Variants in TENT4B observed in about 807,000 individuals in gnomAD.
The protein encoded by TENT4B is terminal nucleotidyltransferase 4B.
A neutral mutation model predicts 75.0 loss-of-function variants in TENT4B; 10 were observed. The observed-to-expected ratio is 0.13, with a 90% CI of 0.08 to 0.23. The LOEUF is 0.23. Among genes scored for constraint, TENT4B ranks in the 10% least tolerant of loss-of-function variants. The pLI, the probability that TENT4B is intolerant of heterozygous loss-of-function variation, is 1.00. For missense variants in TENT4B, 579 were observed against 893.8 expected, an observed-to-expected ratio of 0.65 and a Z score of 4.49; for synonymous variants, 350 against 357.7, an observed-to-expected ratio of 0.98 and a Z score of 0.24.
At chr16:50,217,810 G>C (rs2031639890) in intron 5 of TENT4B, 147 bp downstream of exon 5, 1 of 514,208 alleles carries the variant, frequency 1.9e-6, no homozygotes, top group African/African-American at 2.2e-5. Context: ...CTGTCACCTA[G>C]GCTGGAGTGC....
chr16:50,233,262 A>C lies in TENT4B; in HGVS notation c.*3934A>C. On this transcript the variant is annotated 3_prime_UTR_variant, in exon 12 of 12. Coordinates refer to ENST00000561678, the MANE Select transcript of TENT4B (RefSeq NM_001365324.3). The stretch of plus-strand genomic sequence containing the variant: ...TATATGAAATTCCTTAAAAGAGTTC[A>C]TCTTGCCTTGGTTTCTGACCCTCAA... 1.0e-6 allele frequency: 1 copy of C among 985,448 alleles called. No individual in the cohort carries two copies. The allele number at this position is 985,448 out of a possible 1,614,324, so 61.0% of individuals were successfully genotyped here.
intron 1 of TENT4B, among the ~76,000 whole-genome samples, chr16:50,158,191 A>T (rs1248742400): frequency 6.6e-6 from 1 of 152,108 alleles, no homozygotes; most frequent in Non-Finnish European, 1.5e-5. Flanking sequence ...GGTTCGAGCA[A>T]TTCTCCTGCC....
intron 1 of TENT4B, among the ~76,000 whole-genome samples, chr16:50,180,661 A>G (rs1351724543): frequency 6.6e-6 from 1 of 151,132 alleles, no homozygotes; most frequent in Non-Finnish European, 1.5e-5. Context: ...GTGAGGCAAG[A>G]TCGTGCCCCT....
chr16:50,220,898 T>C (rs2031796028), intron 5 of TENT4B, among the ~76,000 whole-genome samples: 1 of 152,204 alleles, frequency 6.6e-6, no homozygotes, highest in Non-Finnish European at 1.5e-5. Context: ...TTGATACAAT[T>C]TGCAAAAGTA....
At chr16:50,155,850 G>A (rs2160569) in intron 1 of TENT4B, among the ~76,000 whole-genome samples, 152,294 of 152,300 alleles carry the variant, frequency 1, 76,144 homozygotes, top group Non-Finnish European at 1. Flanking sequence ...GCTCCAGTTA[G>A]GTAATCACTG....
At position 50,174,742 on chromosome 16, in the gene TENT4B, C is replaced by CTT. The variant is rs35242106; in HGVS notation, c.638+20503_638+20504dup. On this transcript the variant is annotated intron_variant, in intron 1 of 11. Coordinates refer to ENST00000561678, the MANE Select transcript of TENT4B (RefSeq NM_001365324.3). ...TCATCAGCTCCCCGTCTCCCCTACTCTTTTTTTTTTTTTTTTTTTTTGATA... is the reference window on the plus strand; with the variant it reads ...TCATCAGCTCCCCGTCTCCCCTACTCTTTTTTTTTTTTTTTTTTTTTTTGATA... Among the ~76,000 whole-genome samples the CTT allele has an allele frequency of 1.3e-3, 100 of 75,780 alleles. 1 individual carries two copies. The highest frequency in any genetic ancestry group is 2.9e-3 in the African/African-American group (60 of 21,040). 49.7% of individuals were successfully genotyped at this position (75,780 alleles called of 152,430 possible).
At chr16:50,169,390 T>G (rs1264911350) in intron 1 of TENT4B, among the ~76,000 whole-genome samples, 1 of 15,198 alleles carries the variant, frequency 6.6e-5, no homozygotes, top group Non-Finnish European at 2.5e-4. Context: ...TTTGTGGGTT[T>G]TTTTTTTTTT....
At chr16:50,158,476 G>A (rs1160994107) in intron 1 of TENT4B, among the ~76,000 whole-genome samples, 1 of 152,136 alleles carries the variant, frequency 6.6e-6, no homozygotes, top group Non-Finnish European at 1.5e-5. Context: ...CTGTCCACCT[G>A]CTGCTGCTTG....
intron 1 of TENT4B, among the ~76,000 whole-genome samples, chr16:50,164,296 GTTTGTTGTTGTTCT>G (rs1382376442): frequency 1.8e-5 from 2 of 113,368 alleles, no homozygotes; most frequent in Non-Finnish European, 2.0e-5. Context: ...AGCCCATCCT[GTTTGTTGTTGTTCT>G]TTTGTTGTTG....
At chr16:50,189,648 A>T (rs1321753862) in intron 1 of TENT4B, among the ~76,000 whole-genome samples, 1 of 150,576 alleles carries the variant, frequency 6.6e-6, no homozygotes, top group Non-Finnish European at 1.5e-5. Context: ...GCATAACATG[A>T]AGTAGTGCCC....
At chr16:50,213,065 AT>A (rs2031371556) in intron 2 of TENT4B, among the ~76,000 whole-genome samples, 1 of 151,274 alleles carries the variant, frequency 6.6e-6, no homozygotes, top group South Asian at 2.1e-4. Context: ...ACTGTTTATC[AT>A]TTTTTTCCCC....
chr16:50,177,773 A>AT (rs1477202628), intron 1 of TENT4B, among the ~76,000 whole-genome samples: 2 of 151,712 alleles, frequency 1.3e-5, no homozygotes, highest in African/African-American at 2.4e-5. Flanking sequence ...TTTGGATTTA[A>AT]TTTTTTTTAG....
chr16:50,220,063 A>G (rs1238797529), intron 5 of TENT4B, among the ~76,000 whole-genome samples: 2 of 150,722 alleles, frequency 1.3e-5, no homozygotes, highest in African/African-American at 2.4e-5. Context: ...ATCTTGGCTC[A>G]CTGCAACCTC....
At chr16:50,192,153 A>G (rs2038652796) in intron 1 of TENT4B, among the ~76,000 whole-genome samples, 1 of 151,356 alleles carries the variant, frequency 6.6e-6, no homozygotes, top group Non-Finnish European at 1.5e-5. Context: ...GAGGCTGGAG[A>G]ATGCTTGGAC....
rs1230786435 is a variant in TENT4B at position 50,234,010 on chromosome 16, C to T, written c.*4682C>T. The T allele has an allele frequency of 1.0e-6, 1 of 985,336 alleles. No homozygotes were observed. The highest frequency in any genetic ancestry group is 1.2e-6 in the Non-Finnish European group (1 of 829,946). 61.0% of individuals were successfully genotyped at this position (985,336 alleles called of 1,614,324 possible). ...ACGTCTTTGTGGCTTCACCACTGAG[C>T]TACCTTTCACTACACCAGCTTCTGT... On this transcript the variant is annotated 3_prime_UTR_variant, in exon 12 of 12. Transcript: ENST00000561678.
In TENT4B at chr16:50,198,434, GAAGAA is replaced by G. The variant is rs1457010331; in HGVS notation, c.639-12885_639-12881del. 4.7e-3 allele frequency among the ~76,000 whole-genome samples: 649 copies of G among 138,892 alleles called. 4 individuals are homozygous for G. Among genetic ancestry groups the G allele is most frequent in the African/African-American group, 0.015 (581 of 38,122 alleles). The allele number at this position is 138,892 out of a possible 152,430, so 91.1% of individuals were successfully genotyped here. On this transcript the variant is annotated intron_variant, in intron 1 of 11. Coordinates refer to ENST00000561678, the MANE Select transcript of TENT4B (RefSeq NM_001365324.3). ...ACTCTGTCTAAAAAAAAAAAAAAAA[GAAGAA>G]AAGGAAAGGAAAGTAAAAGAAAAAA...
intron 1 of TENT4B, among the ~76,000 whole-genome samples, chr16:50,165,002 T>G (rs1021699744): frequency 6.6e-6 from 1 of 151,892 alleles, no homozygotes; most frequent in Non-Finnish European, 1.5e-5. Flanking sequence ...TGCAGTGAGC[T>G]AAGTTCATGC....
At position 50,232,132 on chromosome 16, in the gene TENT4B, G is replaced by C; in HGVS notation, c.*2804G>C. 1 of 985,368 alleles carries C rather than the reference G, an allele frequency of 1.0e-6. No individual in the cohort carries two copies. Among genetic ancestry groups the C allele is most frequent in the Non-Finnish European group, 1.2e-6 (1 of 829,900 alleles). 61.0% of individuals were successfully genotyped at this position (985,368 alleles called of 1,614,324 possible). On this transcript the variant is annotated 3_prime_UTR_variant, in exon 12 of 12. Coordinates refer to ENST00000561678, the MANE Select transcript of TENT4B (RefSeq NM_001365324.3). ...GAGCTGATGGGTTGGTGAGGTGTCAGCACAAAATCTTACTGGTTATGTTTT... is the reference window on the plus strand; with the variant it reads ...GAGCTGATGGGTTGGTGAGGTGTCACCACAAAATCTTACTGGTTATGTTTT...
intron 1 of TENT4B, among the ~76,000 whole-genome samples, chr16:50,182,891 C>CTTTTTTTTTTTTTTTTTTTTTTTGTT (rs2038444927): frequency 2.7e-5 from 1 of 36,458 alleles, no homozygotes; most frequent in Non-Finnish European, 5.1e-5. Context: ...TTTATTTTAC[C>CTTTTTTTTTTTTTTTTTTTTTTTGTT]TTTTTTTTTT....
Sources: gnomAD v4.1 joint callset for allele counts (sites outside exome capture counted in the v4.1 genomes callset) on GRCh38, gnomAD v4.1.1 for gene constraint, MANE v1.5 for transcripts, NCBI Gene and HGNC (gene_info 2026-07-23, HGNC 2026-07-21) for gene names.